Variants in TAFA2 observed in about 807,000 individuals in gnomAD.
The protein encoded by TAFA2 is chemokine-like protein TAFA-2.
In TAFA2, 7 loss-of-function variants were observed where a neutral mutation model predicts 18.8. That is an observed-to-expected ratio of 0.37 (90% CI 0.21 to 0.70). The LOEUF is 0.70. Ranked by LOEUF, TAFA2 falls within the 30% of genes least tolerant of loss-of-function variation. The pLI is 0.53. For missense variants in TAFA2, 122 were observed against 158.1 expected, an observed-to-expected ratio of 0.77 and a Z score of 1.23; for synonymous variants, 60 against 54.2, an observed-to-expected ratio of 1.11 and a Z score of -0.47.
intron 2 of TAFA2, among the ~76,000 whole-genome samples, chr12:61,802,698 C>A (rs927351757): frequency 3.3e-5 from 5 of 151,894 alleles, no homozygotes; most frequent in Admixed American, 2.6e-4. Context: ...CTTTAGTTAA[C>A]AATAAGCTAT....
rs1346318719 is a variant in TAFA2, at chr12:62,237,538, G to A, written c.-130+21225C>T. ...TTACCATGTCATTAGAATTGGTTCC[G>A]GGTTTCTTGCTTTGTCCATTTGGAG... On this transcript the variant is annotated intron_variant, in intron 1 of 5. Coordinates refer to the TAFA2 transcript ENST00000551619. Among the ~76,000 whole-genome samples, 3 of 152,078 alleles carry A rather than the reference G, an allele frequency of 2.0e-5. No homozygotes were observed. In the South Asian group the frequency reaches 6.2e-4, roughly 32 times the overall value.
intron 1 of TAFA2, among the ~76,000 whole-genome samples, chr12:62,227,345 A>G (rs2062791341): frequency 6.6e-6 from 1 of 152,220 alleles, no homozygotes; most frequent in Admixed American, 6.5e-5. Flanking sequence ...TACTGTGTAC[A>G]GTTACATATG....
At chr12:62,104,752 C>T (rs563957241) in intron 1 of TAFA2, 5 of 454,954 alleles carry the variant, frequency 1.1e-5, no homozygotes, top group East Asian at 1.4e-4. Context: ...ACCTGGTAAT[C>T]GGGGTGACCA....
At chr12:61,722,368 G>T (rs1402746919) in intron 4 of TAFA2, among the ~76,000 whole-genome samples, 1 of 152,130 alleles carries the variant, frequency 6.6e-6, no homozygotes, top group Non-Finnish European at 1.5e-5. Context: ...GAAAATGTAA[G>T]ATTTAAATGA....
intron 1 of TAFA2, among the ~76,000 whole-genome samples, chr12:62,121,757 T>C (rs1266140317): frequency 6.6e-6 from 1 of 152,190 alleles, no homozygotes; most frequent in Non-Finnish European, 1.5e-5. Context: ...GTTCAGGAGA[T>C]AGGACAGTGA....
At chr12:61,938,276 G>A (rs1434621936) in intron 1 of TAFA2, among the ~76,000 whole-genome samples, 2 of 151,018 alleles carry the variant, frequency 1.3e-5, no homozygotes, top group Non-Finnish European at 2.9e-5. Context: ...ATTGCTGGTG[G>A]GAACATAAAT....
At chr12:62,103,089 T>A (rs80334311) in intron 1 of TAFA2, among the ~76,000 whole-genome samples, 8,243 of 152,214 alleles carry the variant, frequency 0.054, 336 homozygotes, top group Non-Finnish European at 0.083. Flanking sequence ...CTGATCAGAG[T>A]TCACACTCAG....
intron 1 of TAFA2, among the ~76,000 whole-genome samples, chr12:62,214,397 A>G (rs2062725917): frequency 1.3e-5 from 2 of 152,122 alleles, no homozygotes. Context: ...TTAAGATGTG[A>G]CTTGCTCCTC....
chr12:62,205,704 G>A (rs1033093957), intron 1 of TAFA2, among the ~76,000 whole-genome samples: 3 of 152,192 alleles, frequency 2.0e-5, no homozygotes, highest in Non-Finnish European at 4.4e-5. Context: ...ACAGCAGACT[G>A]GAGTGGCCAT....
chr12:62,241,330 A>T (rs2062861934), intron 1 of TAFA2, among the ~76,000 whole-genome samples: 1 of 152,248 alleles, frequency 6.6e-6, no homozygotes, highest in African/African-American at 2.4e-5. Context: ...TGCTAATCAA[A>T]GAAAAGCATG....
At chr12:61,780,463 C>G (rs964962160) in intron 2 of TAFA2, among the ~76,000 whole-genome samples, 1 of 151,810 alleles carries the variant, frequency 6.6e-6, no homozygotes, top group Non-Finnish European at 1.5e-5. Context: ...TTTCTTACAG[C>G]ATTTACTTTA....
chr12:61,770,520 C>T (rs1176864778), intron 2 of TAFA2, among the ~76,000 whole-genome samples: 1 of 152,084 alleles, frequency 6.6e-6, no homozygotes. Flanking sequence ...CAAAACCAAT[C>T]AGATTAACAG....
intron 1 of TAFA2, among the ~76,000 whole-genome samples, chr12:62,256,059 G>A (rs2062936918): frequency 1.3e-5 from 2 of 150,486 alleles, no homozygotes; most frequent in South Asian, 2.1e-4. Context: ...GCCAGAGGTC[G>A]GGAGTTTGAG....
chr12:61,760,001 A>G (rs1196032205), intron 2 of TAFA2, among the ~76,000 whole-genome samples: 1 of 150,572 alleles, frequency 6.6e-6, no homozygotes, highest in Non-Finnish European at 1.5e-5. Context: ...GCTAGATGTT[A>G]GGAGATTAAT....
intron 2 of TAFA2, among the ~76,000 whole-genome samples, chr12:61,833,886 A>C (rs1391568700): frequency 1.3e-5 from 2 of 152,010 alleles, no homozygotes; most frequent in East Asian, 3.9e-4. Context: ...AGAATAATTT[A>C]GGGAGTTTTA....
chr12:62,248,456 G>A (rs1359572493), intron 1 of TAFA2, among the ~76,000 whole-genome samples: 3 of 152,224 alleles, frequency 2.0e-5, no homozygotes, highest in African/African-American at 7.2e-5. Context: ...GGCCTGGGCA[G>A]CATTTGGCTG....
intron 1 of TAFA2, among the ~76,000 whole-genome samples, chr12:62,154,232 TCTTTC>T (rs1461320140): frequency 1.3e-5 from 2 of 152,308 alleles, no homozygotes; most frequent in East Asian, 3.9e-4. Context: ...GTTCTCTTGA[TCTTTC>T]CCTCTGGTCC....
At chr12:62,110,079 GC>G (rs1206877183) in intron 1 of TAFA2, among the ~76,000 whole-genome samples, 1 of 152,068 alleles carries the variant, frequency 6.6e-6, no homozygotes, top group African/African-American at 2.4e-5. Context: ...TAATGCTCCA[GC>G]TTTTGCCCAT....
intron 1 of TAFA2, among the ~76,000 whole-genome samples, chr12:61,887,085 G>T: frequency 6.6e-6 from 1 of 152,236 alleles, no homozygotes; most frequent in East Asian, 1.9e-4. Context: ...AATAGATGTG[G>T]ATTAACTAGG....
Sources: gnomAD v4.1 joint callset for allele counts (sites outside exome capture counted in the v4.1 genomes callset) on GRCh38, gnomAD v4.1.1 for gene constraint, MANE v1.5 for transcripts, NCBI Gene and HGNC (gene_info 2026-07-23, HGNC 2026-07-21) for gene names.